Variants in ANKS1B observed in about 807,000 individuals in gnomAD.
ANKS1B encodes ankyrin repeat and sterile alpha motif domain-containing protein 1B.
In ANKS1B, 36 loss-of-function variants were observed where a neutral mutation model predicts 148.3. The ratio of observed to expected loss-of-function variants is 0.24; its 90% CI spans 0.19 to 0.32. ANKS1B has a LOEUF of 0.32. ANKS1B is among the 10% of genes least tolerant of loss of function. The probability of loss-of-function intolerance (pLI) is 1.00; values close to 1 mark genes in which losing one functional copy is unlikely to be tolerated. For synonymous variants in ANKS1B, 542 were observed against 560.8 expected (o/e 0.97, Z 0.47); for missense variants, 1,157 against 1,542.6 (o/e 0.75, Z 4.19).
chr12:99,312,615 A>G (rs2083336918), intron 12 of ANKS1B, among the ~76,000 whole-genome samples: 1 of 152,162 alleles, frequency 6.6e-6, no homozygotes, highest in Non-Finnish European at 1.5e-5. Context: ...AACTAGCAAC[A>G]TCATAAAATA....
chr12:99,929,859 C>A (rs1179463267), intron 1 of ANKS1B, among the ~76,000 whole-genome samples: 2 of 151,114 alleles, frequency 1.3e-5, no homozygotes, highest in Non-Finnish European at 3.0e-5. Context: ...TGGTCTATAT[C>A]TCTGTTTTGG....
At chr12:99,326,444 G>A (rs1226490828) in intron 12 of ANKS1B, among the ~76,000 whole-genome samples, 2 of 152,068 alleles carry the variant, frequency 1.3e-5, no homozygotes, top group Non-Finnish European at 2.9e-5. Context: ...GCAATTTTGT[G>A]AGAGTTTCAA....
chr12:98,808,849 A>C (rs1382696327), intron 19 of ANKS1B, among the ~76,000 whole-genome samples: 1 of 152,208 alleles, frequency 6.6e-6, no homozygotes, highest in Non-Finnish European at 1.5e-5. Context: ...TTATTCAGCA[A>C]GCTCTGTGAG....
chr12:99,969,389 G>A (rs1182693333), intron 1 of ANKS1B, among the ~76,000 whole-genome samples: 1 of 151,876 alleles, frequency 6.6e-6, no homozygotes, highest in Admixed American at 6.6e-5. Context: ...TTATTATGTT[G>A]CCCAGCCTGG....
intron 8 of ANKS1B, among the ~76,000 whole-genome samples, chr12:99,688,494 A>G (rs2098661721): frequency 6.6e-6 from 1 of 152,226 alleles, no homozygotes; most frequent in South Asian, 2.1e-4. Context: ...TCCCAAAATA[A>G]CAAATGCCTC....
intron 11 of ANKS1B, among the ~76,000 whole-genome samples, chr12:99,441,022 T>A (rs1281677712): frequency 6.6e-6 from 1 of 151,868 alleles, no homozygotes; most frequent in African/African-American, 2.4e-5. Context: ...ACATTTTTAT[T>A]TTCAAAGTTC....
chr12:99,803,777 T>C (rs2067259111), intron 4 of ANKS1B, among the ~76,000 whole-genome samples: 1 of 152,156 alleles, frequency 6.6e-6, no homozygotes, highest in Non-Finnish European at 1.5e-5. Flanking sequence ...AAATTCAAAG[T>C]CGTGTTGGAC....
At chr12:98,936,379 A>T (rs1376101179) in intron 17 of ANKS1B, among the ~76,000 whole-genome samples, 1 of 152,220 alleles carries the variant, frequency 6.6e-6, no homozygotes, top group Non-Finnish European at 1.5e-5. Flanking sequence ...CTGTAATCCC[A>T]GCACTTTGGG....
At chr12:99,283,854 A>G (rs1050005859) in intron 12 of ANKS1B, among the ~76,000 whole-genome samples, 1 of 152,126 alleles carries the variant, frequency 6.6e-6, no homozygotes, top group African/African-American at 2.4e-5. Flanking sequence ...CTGAAATAAT[A>G]CCCTGCCACA....
intron 17 of ANKS1B, among the ~76,000 whole-genome samples, chr12:99,034,199 A>G (rs1362579924): frequency 6.6e-6 from 1 of 152,262 alleles, no homozygotes; most frequent in Non-Finnish European, 1.5e-5. Flanking sequence ...GGAGTGGAGA[A>G]GAACCATGTT....
At chr12:99,105,404 G>A (rs1351509794) in intron 15 of ANKS1B, among the ~76,000 whole-genome samples, 1 of 152,174 alleles carries the variant, frequency 6.6e-6, no homozygotes, top group Non-Finnish European at 1.5e-5. Context: ...GACAACATCA[G>A]AAAGCCAGAT....
At chr12:98,804,597 C>T (rs894423200) in intron 20 of ANKS1B, among the ~76,000 whole-genome samples, 2 of 152,144 alleles carry the variant, frequency 1.3e-5, no homozygotes, top group African/African-American at 4.8e-5. Flanking sequence ...TCAGCTGTAC[C>T]TGGTTGACTC....
chr12:99,486,197 G>T (rs1468137858), intron 10 of ANKS1B, among the ~76,000 whole-genome samples: 5 of 150,080 alleles, frequency 3.3e-5, no homozygotes, highest in Non-Finnish European at 4.5e-5. Flanking sequence ...ATTTGACTGT[G>T]TTTTTTTTTA....
chr12:98,752,928 T>C (rs1303623542), intron 25 of ANKS1B, among the ~76,000 whole-genome samples: 1 of 152,118 alleles, frequency 6.6e-6, no homozygotes, highest in Non-Finnish European at 1.5e-5. Context: ...CAAAATCTAA[T>C]TTAGGCCTAG....
At chr12:99,880,665 A>G (rs1311423332) in intron 1 of ANKS1B, among the ~76,000 whole-genome samples, 1 of 152,236 alleles carries the variant, frequency 6.6e-6, no homozygotes, top group African/African-American at 2.4e-5. Context: ...ACATAAAAAT[A>G]TCATGCAGTT....
At chr12:98,936,259 A>G (rs1253221221) in intron 17 of ANKS1B, among the ~76,000 whole-genome samples, 1 of 152,162 alleles carries the variant, frequency 6.6e-6, no homozygotes, top group Admixed American at 6.5e-5. Context: ...TTCTGTGGCA[A>G]TGTTAGAATT....
Position 98,805,763 on chromosome 12 carries a change from A to T in ANKS1B, c.3141+2081T>A, listed in dbSNP as rs183476154. Among the ~76,000 whole-genome samples the T allele has an allele frequency of 1.9e-3, 295 of 152,324 alleles. 1 individual carries two copies. The highest frequency in any genetic ancestry group is 6.8e-3 in the African/African-American group (283 of 41,566). ...GACACCTACAGCAAATTCTAAAACAAATTGTATCAGGTAGCTGTCTCCCTC... is the reference window on the plus strand; with the variant it reads ...GACACCTACAGCAAATTCTAAAACATATTGTATCAGGTAGCTGTCTCCCTC... On this transcript the variant is annotated intron_variant, in intron 20 of 26. Transcript: ENST00000683438.
chr12:99,645,273 T>C (rs1172852079), intron 9 of ANKS1B, among the ~76,000 whole-genome samples: 1 of 152,254 alleles, frequency 6.6e-6, no homozygotes, highest in African/African-American at 2.4e-5. Flanking sequence ...ACGTTGGTTC[T>C]TTTAAAAGTT....
At chr12:99,237,637 C>G (rs1312486112) in intron 14 of ANKS1B, among the ~76,000 whole-genome samples, 1 of 152,138 alleles carries the variant, frequency 6.6e-6, no homozygotes, top group Non-Finnish European at 1.5e-5. Flanking sequence ...CACAACTTAG[C>G]AGAAGTTGTT....
Sources: gnomAD v4.1 joint callset for allele counts (sites outside exome capture counted in the v4.1 genomes callset) on GRCh38, gnomAD v4.1.1 for gene constraint, MANE v1.5 for transcripts, NCBI Gene and HGNC (gene_info 2026-07-23, HGNC 2026-07-21) for gene names.